The following IGF2R variants were observed in gnomAD, a reference collection of about 807,000 sequenced individuals.
The protein encoded by IGF2R is insulin like growth factor 2 receptor, also known as cation-independent mannose-6-phosphate receptor.
IGF2R carries 91 observed loss-of-function variants against 270.6 expected under a neutral mutation model. The observed-to-expected ratio is 0.34, with a 90% CI of 0.28 to 0.40. IGF2R has a LOEUF of 0.40. IGF2R is among the 10% of genes least tolerant of loss of function. The probability of loss-of-function intolerance (pLI) is 1.00; values close to 1 mark genes in which losing one functional copy is unlikely to be tolerated. For missense variants in IGF2R, 2,805 were observed against 3,188.3 expected, an observed-to-expected ratio of 0.88 and a Z score of 2.90; for synonymous variants, 1,316 against 1,258.9, an observed-to-expected ratio of 1.05 and a Z score of -0.96.
chr6:160,095,062 G>A (rs921048505), intron 44 of IGF2R: 1 of 152,180 alleles, frequency 6.6e-6, no homozygotes, highest in African/African-American at 2.4e-5. Context: ...TGAGAGGTGT[G>A]GAGTCAAGTC....
rs781579353 is a variant in IGF2R, at chr6:160,040,555, T to C, written c.1316-5T>C. On this transcript the variant is annotated splice_region_variant and splice_polypyrimidine_tract_variant and intron_variant, in intron 10 of 47. Coordinates refer to ENST00000356956, the MANE Select transcript of IGF2R (RefSeq NM_000876.4). ...AGTTTAAATTTCTCCTCTTGAATTG[T>C]GCAGGTAACGATGGGAAAGGAACTC... is the stretch of plus-strand genomic sequence containing the variant. 6.2e-7 allele frequency: 1 copy of C among 1,613,834 alleles called. No individual in the cohort carries two copies. The highest frequency in any genetic ancestry group is 8.5e-7 in the Non-Finnish European group (1 of 1,179,720).
intron 39 of IGF2R, among the ~76,000 whole-genome samples, chr6:160,081,407 A>G (rs1213301847): frequency 6.6e-6 from 1 of 152,168 alleles, no homozygotes; most frequent in Non-Finnish European, 1.5e-5. Flanking sequence ...GGTCATGGAG[A>G]TCACATGCTT....
intron 4 of IGF2R, among the ~76,000 whole-genome samples, chr6:160,011,458 T>C (rs934192222): frequency 1.3e-4 from 20 of 152,104 alleles, no homozygotes; most frequent in African/African-American, 4.6e-4. Context: ...CACTGACCTA[T>C]ATGTATTATG....
At chr6:159,992,752 T>C (rs1783998771) in intron 2 of IGF2R, among the ~76,000 whole-genome samples, 1 of 152,294 alleles carries the variant, frequency 6.6e-6, no homozygotes. Context: ...TTTCTGATGA[T>C]TTTTTTCCTT....
chr6:160,045,277 T>C (rs1249229019), intron 13 of IGF2R, among the ~76,000 whole-genome samples: 3 of 152,266 alleles, frequency 2.0e-5, no homozygotes, highest in African/African-American at 7.2e-5. Context: ...ATGTATCCTC[T>C]CTCTACCTCC....
Position 160,044,432 on chromosome 6 carries a change from CTTT to C in IGF2R, c.1622-74_1622-72del, listed in dbSNP as rs374255645. Reference sequence around the variant, plus strand: ...TTTCTTTCTTTCTTTCTCTTTCTTTCTTTTTTTTTTAAGTCACTTCTTTGTCTG... The same window carrying C: ...TTTCTTTCTTTCTTTCTCTTTCTTTCTTTTTTTAAGTCACTTCTTTGTCTG... On this transcript the variant is annotated intron_variant, in intron 12 of 47. Transcript: ENST00000356956. 2.5e-5 allele frequency: 26 copies of C among 1,048,564 alleles called. No individual in the cohort carries two copies. The South Asian group carries it at 3.8e-4, about 15-fold the overall frequency. 65.0% of individuals were successfully genotyped at this position (1,048,564 alleles called of 1,614,324 possible).
intron 2 of IGF2R, among the ~76,000 whole-genome samples, 192 bp from the exon 3 acceptor site, chr6:160,008,818 G>A (rs1462219794): frequency 6.6e-6 from 1 of 152,128 alleles, no homozygotes; most frequent in African/African-American, 2.4e-5. Context: ...CAGCAGACAA[G>A]GTAAAGATGG....
At chr6:160,043,952 A>G (rs1029842948) in intron 12 of IGF2R, among the ~76,000 whole-genome samples, 3 of 152,244 alleles carry the variant, frequency 2.0e-5, no homozygotes, top group Non-Finnish European at 4.4e-5. Context: ...AGGTTCAGGC[A>G]TGTCCATGTC....
intron 29 of IGF2R, among the ~76,000 whole-genome samples, chr6:160,065,784 G>A (rs1461894453): frequency 2.3e-4 from 11 of 48,672 alleles, no homozygotes; most frequent in East Asian, 4.7e-4. Context: ...ATATGTGTAT[G>A]TGTGTGTGTG....
chr6:160,071,384 G>A (rs2115273771), intron 31 of IGF2R, among the ~76,000 whole-genome samples: 1 of 152,310 alleles, frequency 6.6e-6, no homozygotes, highest in East Asian at 1.9e-4. Flanking sequence ...ACCTGGGAAG[G>A]AAGGTGCTGC....
chr6:160,033,842 T>C (rs113334345), intron 9 of IGF2R, among the ~76,000 whole-genome samples: 143 of 152,350 alleles, frequency 9.4e-4, no homozygotes, highest in African/African-American at 3.2e-3. Context: ...CTTTTGACCC[T>C]TAACTTGGTA....
intron 12 of IGF2R, 140 bp downstream of exon 12, chr6:160,043,428 A>G (rs1777991233): frequency 3.0e-6 from 3 of 987,134 alleles, no homozygotes; most frequent in Admixed American, 6.2e-5. Flanking sequence ...TTTTTCATTC[A>G]TAACTCAAAT....
intron 10 of IGF2R, among the ~76,000 whole-genome samples, chr6:160,037,773 G>A (rs1333993110): frequency 6.6e-6 from 1 of 152,102 alleles, no homozygotes; most frequent in East Asian, 1.9e-4. Flanking sequence ...TTCAGTGCTA[G>A]TCTTTGGGGA....
intron 42 of IGF2R, 62 bp downstream of exon 42, chr6:160,088,209 T>C: frequency 9.0e-7 from 1 of 1,109,424 alleles, no homozygotes. Context: ...GAATTCCTCC[T>C]TGGGGTTTTC....
intron 35 of IGF2R, among the ~76,000 whole-genome samples, chr6:160,074,758 T>G (rs1041120096): frequency 6.6e-6 from 1 of 152,232 alleles, no homozygotes; most frequent in Non-Finnish European, 1.5e-5. Context: ...AGATGTCCTT[T>G]AGAAAGATGG....
At chr6:160,041,880 A>G (rs1409017018) in intron 11 of IGF2R, among the ~76,000 whole-genome samples, 1 of 152,144 alleles carries the variant, frequency 6.6e-6, no homozygotes, top group African/African-American at 2.4e-5. Context: ...GCAGAGTTGG[A>G]GACCTGGCTG....
chr6:159,969,611 C>T (rs901655922), intron 1 of IGF2R, among the ~76,000 whole-genome samples: 9 of 152,124 alleles, frequency 5.9e-5, no homozygotes, highest in African/African-American at 1.9e-4. Context: ...CACACGCGGT[C>T]GTGGCGGTCC....
chr6:160,003,339 A>G (rs1358600824), intron 2 of IGF2R: 1 of 152,010 alleles, frequency 6.6e-6, no homozygotes, highest in Non-Finnish European at 1.5e-5. Context: ...TTTGGATACA[A>G]CTCATGTTTT....
intron 18 of IGF2R, 22 bp downstream of exon 18, chr6:160,048,565 G>T (rs1778122926): frequency 6.2e-7 from 1 of 1,610,296 alleles, no homozygotes; most frequent in Admixed American, 1.7e-5. Context: ...TTCACTGCTT[G>T]TCTCCTTTGC....
Sources: allele counts gnomAD v4.1 joint callset (sites outside exome capture counted in the v4.1 genomes callset), GRCh38; gene constraint gnomAD v4.1.1; transcripts MANE v1.5; gene names NCBI Gene and HGNC (gene_info 2026-07-23, HGNC 2026-07-21).